The following NRIP1 variants were observed in gnomAD, a reference collection of about 807,000 sequenced individuals.
NRIP1 encodes the protein nuclear receptor interacting protein 1.
In NRIP1, 28 loss-of-function variants were observed where a neutral mutation model predicts 75.0. The observed-to-expected ratio is 0.37, with a 90% CI of 0.28 to 0.51. The LOEUF (loss-of-function observed/expected upper bound fraction) is 0.51, where lower values mean the gene tolerates loss of function less well. NRIP1 is among the 20% of genes least tolerant of loss of function. The pLI is 0.92. For synonymous variants in NRIP1, 526 were observed against 487.6 expected (o/e 1.08, Z -1.04); for missense variants, 1,435 against 1,343.7 (o/e 1.07, Z -1.06).
chr21:15,014,781 T>C (rs1463775987), intron 2 of NRIP1, among the ~76,000 whole-genome samples: 1 of 151,872 alleles, frequency 6.6e-6, no homozygotes, highest in Non-Finnish European at 1.5e-5. Context: ...CTAAATTAAT[T>C]AATTTACATA....
chr21:15,005,485 T>C (rs892841445), intron 3 of NRIP1, among the ~76,000 whole-genome samples: 1 of 152,158 alleles, frequency 6.6e-6, no homozygotes. Context: ...TTGTTGAATG[T>C]CACAGGGCGG....
chr21:15,028,414 C>T, intron 2 of NRIP1, among the ~76,000 whole-genome samples: 1 of 152,132 alleles, frequency 6.6e-6, no homozygotes, highest in East Asian at 1.9e-4. Context: ...GGTAAGATCG[C>T]CTATTTAATA....
At chr21:14,972,208 C>A (rs2086921096) in intron 3 of NRIP1, among the ~76,000 whole-genome samples, 1 of 152,062 alleles carries the variant, frequency 6.6e-6, no homozygotes, top group African/African-American at 2.4e-5. Context: ...GCAGAGTGAG[C>A]CAAATTTCTT....
intron 1 of NRIP1, among the ~76,000 whole-genome samples, chr21:15,057,953 A>G (rs1019968605): frequency 3.3e-5 from 5 of 152,224 alleles, no homozygotes; most frequent in African/African-American, 1.2e-4. Flanking sequence ...AAAAGGCAAC[A>G]GCCAAGTAAC....
At chr21:14,975,369 A>C (rs1201843021) in intron 3 of NRIP1, among the ~76,000 whole-genome samples, 1 of 152,164 alleles carries the variant, frequency 6.6e-6, no homozygotes, top group African/African-American at 2.4e-5. Flanking sequence ...TTAAAACAAA[A>C]GGGAAAGACT....
At chr21:15,005,185 G>A (rs1461208896) in intron 3 of NRIP1, among the ~76,000 whole-genome samples, 2 of 152,178 alleles carry the variant, frequency 1.3e-5, no homozygotes, top group East Asian at 1.9e-4. Flanking sequence ...TTAGAATTCA[G>A]CTTCCATCAT....
chr21:15,040,447 T>C (rs1328713688), intron 2 of NRIP1, among the ~76,000 whole-genome samples: 5 of 152,078 alleles, frequency 3.3e-5, no homozygotes, highest in African/African-American at 7.2e-5. Flanking sequence ...CAAATACTTA[T>C]ATGCTAGAAT....
At chr21:15,049,351 G>A (rs1022124274) in intron 1 of NRIP1, among the ~76,000 whole-genome samples, 6 of 151,930 alleles carry the variant, frequency 3.9e-5, no homozygotes, top group Admixed American at 3.9e-4. Flanking sequence ...AAGAAAAGAG[G>A]TACAATAGAT....
chr21:14,975,025 T>G (rs1002115118), intron 3 of NRIP1, among the ~76,000 whole-genome samples: 2 of 151,832 alleles, frequency 1.3e-5, no homozygotes, highest in African/African-American at 4.8e-5. Context: ...GGTGGGAGGA[T>G]CACCTGAGTC....
At chr21:15,062,069 T>C (rs116125072) in intron 1 of NRIP1, among the ~76,000 whole-genome samples, 2,520 of 152,338 alleles carry the variant, frequency 0.017, 76 homozygotes, top group African/African-American at 0.057. Context: ...TCTAGTTCTT[T>C]CTGTTCAACT....
At chr21:15,025,762 A>G (rs960623332) in intron 2 of NRIP1, among the ~76,000 whole-genome samples, 2 of 152,154 alleles carry the variant, frequency 1.3e-5, no homozygotes, top group African/African-American at 4.8e-5. Context: ...CATAACATGG[A>G]TCTAATCATG....
At chr21:15,030,971 G>A (rs1208843635) in intron 2 of NRIP1, among the ~76,000 whole-genome samples, 2 of 131,658 alleles carry the variant, frequency 1.5e-5, no homozygotes, top group South Asian at 2.5e-4. Context: ...CCCTTTCTAT[G>A]TGTGTACACT....
At position 14,965,127 on chromosome 21, in the gene NRIP1, C is replaced by A. The variant is rs28707654; in HGVS notation, c.3066G>T (p.Gly1022=). Residue 1022 remains glycine, a synonymous_variant, in exon 4 of 4, where the codon GGG becomes GGT. Transcript: ENST00000318948. ...PTFPEHLGCA[G]SRPESGLLNG... ...TCAAAAGCCCAGATTCTGGTCTAGA[C>A]CCTGCACAGCCCAAGTGCTCAGGGA... 6,230 of 1,612,946 alleles carry A rather than the reference C, an allele frequency of 3.9e-3. 211 individuals are homozygous for A. The African/African-American group carries it at 0.07, about 18-fold the overall frequency.
intron 3 of NRIP1, among the ~76,000 whole-genome samples, chr21:14,986,226 T>C (rs1382678913): frequency 6.6e-6 from 1 of 152,226 alleles, no homozygotes; most frequent in Non-Finnish European, 1.5e-5. Context: ...TCAATGAATA[T>C]GGCTAAATAA....
intron 2 of NRIP1, among the ~76,000 whole-genome samples, chr21:15,022,579 TAC>T (rs1243523298): frequency 6.6e-6 from 1 of 152,206 alleles, no homozygotes; most frequent in Admixed American, 6.5e-5. Flanking sequence ...TGATGTAAAA[TAC>T]ACTGCCACTT....
intron 1 of NRIP1, among the ~76,000 whole-genome samples, chr21:15,063,052 T>C (rs1053014331): frequency 2.0e-5 from 3 of 152,196 alleles, no homozygotes; most frequent in African/African-American, 7.2e-5. Flanking sequence ...ATGTATATTT[T>C]ACTCACACTC....
rs1415468281 is a variant in NRIP1 at position 15,064,842 on chromosome 21, C to T, written c.-635G>A. On this transcript the variant is annotated 5_prime_UTR_variant, in exon 1 of 4. Coordinates refer to ENST00000318948, the MANE Select transcript of NRIP1 (RefSeq NM_003489.4). ...GGCCCGGCGCCCCGGCGAGCTCTTC[C>T]CTCCGACCAGCGGCGCTCACGGCGC... 6.7e-6 allele frequency: 1 copy of T among 148,214 alleles called. No homozygotes were observed. The highest frequency in any genetic ancestry group is 2.4e-5 in the African/African-American group (1 of 41,030). 9.2% of individuals were successfully genotyped at this position (148,214 alleles called of 1,614,324 possible).
At chr21:15,009,308 T>A (rs773734537) in intron 3 of NRIP1, among the ~76,000 whole-genome samples, 1 of 152,144 alleles carries the variant, frequency 6.6e-6, no homozygotes, top group Non-Finnish European at 1.5e-5. Context: ...GTAACAAATG[T>A]ACAAATATTT....
intron 1 of NRIP1, among the ~76,000 whole-genome samples, chr21:15,047,697 A>T (rs539132049): frequency 2.6e-5 from 4 of 152,336 alleles, no homozygotes; most frequent in South Asian, 4.1e-4. Context: ...CTACAATTCA[A>T]GATGAGATTT....
Sources: allele counts gnomAD v4.1 joint callset (sites outside exome capture counted in the v4.1 genomes callset), GRCh38; gene constraint gnomAD v4.1.1; transcripts MANE v1.5; gene names NCBI Gene and HGNC (gene_info 2026-07-23, HGNC 2026-07-21).